The following RALYL variants were observed in gnomAD, a reference collection of about 807,000 sequenced individuals.
RALYL encodes the protein RALY RNA binding protein like, also known as RNA-binding Raly-like protein.
RALYL carries 29 observed loss-of-function variants against 35.1 expected under a neutral mutation model. That is an observed-to-expected ratio of 0.83 (90% CI 0.61 to 1.13). The LOEUF (loss-of-function observed/expected upper bound fraction) is 1.13. Ranked by LOEUF, RALYL falls within the 50% of genes most tolerant of loss-of-function variation. The probability of loss-of-function intolerance (pLI) is 0.00; values close to 1 mark genes in which losing one functional copy is unlikely to be tolerated. For missense variants in RALYL, 359 were observed against 360.4 expected (o/e 1.00, Z 0.03); for synonymous variants, 120 against 127.6 (o/e 0.94, Z 0.40).
intron 1 of RALYL, among the ~76,000 whole-genome samples, chr8:84,462,134 T>C (rs1340551797): frequency 6.6e-6 from 1 of 151,640 alleles, no homozygotes; most frequent in Non-Finnish European, 1.5e-5. Flanking sequence ...ATTTTTATTT[T>C]TTTTTATTTT....
intron 2 of RALYL, among the ~76,000 whole-genome samples, chr8:84,666,294 A>G (rs1832027425): frequency 6.6e-6 from 1 of 152,034 alleles, no homozygotes; most frequent in Non-Finnish European, 1.5e-5. Flanking sequence ...TGCTCTATTG[A>G]AAAAGGGCCT....
intron 2 of RALYL, among the ~76,000 whole-genome samples, chr8:84,681,749 T>G (rs1835554927): frequency 6.6e-6 from 1 of 152,206 alleles, no homozygotes; most frequent in African/African-American, 2.4e-5. Flanking sequence ...GCTGAGACAA[T>G]GGGGTTTTCT....
intron 1 of RALYL, among the ~76,000 whole-genome samples, chr8:84,396,913 T>C (rs1024754049): frequency 3.9e-5 from 6 of 151,908 alleles, no homozygotes; most frequent in African/African-American, 1.5e-4. Context: ...TTATTATTCA[T>C]AGAATATCCC....
chr8:84,623,385 A>G (rs1822000160), intron 2 of RALYL, among the ~76,000 whole-genome samples: 1 of 152,192 alleles, frequency 6.6e-6, no homozygotes, highest in African/African-American at 2.4e-5. Context: ...TGATATGTAT[A>G]GAAGGATAGT....
intron 1 of RALYL, among the ~76,000 whole-genome samples, chr8:84,444,883 T>C (rs1382323189): frequency 6.6e-6 from 1 of 152,104 alleles, no homozygotes; most frequent in African/African-American, 2.4e-5. Context: ...GAAAGAATTA[T>C]AATGGCTGAT....
intron 2 of RALYL, among the ~76,000 whole-genome samples, chr8:84,620,843 G>T (rs1004861288): frequency 1.3e-5 from 2 of 152,140 alleles, no homozygotes; most frequent in African/African-American, 4.8e-5. Flanking sequence ...GTCTGCTGGA[G>T]TACCCTGCCG....
intron 2 of RALYL, among the ~76,000 whole-genome samples, chr8:84,760,725 A>T (rs1378631006): frequency 6.6e-6 from 1 of 152,100 alleles, no homozygotes; most frequent in Non-Finnish European, 1.5e-5. Context: ...GAATGAAAAG[A>T]CAAATTTATT....
intron 2 of RALYL, among the ~76,000 whole-genome samples, chr8:84,762,560 C>T (rs1455885339): frequency 6.6e-6 from 1 of 152,088 alleles, no homozygotes; most frequent in Non-Finnish European, 1.5e-5. Flanking sequence ...ATTATATAGG[C>T]CTTGCCATAA....
At chr8:84,509,574 A>C (rs1380186326) in intron 1 of RALYL, among the ~76,000 whole-genome samples, 1 of 152,144 alleles carries the variant, frequency 6.6e-6, no homozygotes, top group Non-Finnish European at 1.5e-5. Flanking sequence ...TTGGTGCTGC[A>C]TCTAAAATGT....
chr8:84,306,964 A>T (rs10095090), intron 1 of RALYL, among the ~76,000 whole-genome samples: 102,939 of 151,918 alleles, frequency 0.68, 36,181 homozygotes, highest in African/African-American at 0.87. Context: ...AAAAGCTCTC[A>T]AATTCCTTCT....
chr8:84,747,273 G>T (rs975054060), intron 2 of RALYL, among the ~76,000 whole-genome samples: 2 of 151,672 alleles, frequency 1.3e-5, no homozygotes, highest in Non-Finnish European at 3.0e-5. Context: ...AAAAAAAATG[G>T]TGCTAATAAG....
At chr8:84,862,858 G>A (rs1325436838) in intron 6 of RALYL, among the ~76,000 whole-genome samples, 1 of 152,084 alleles carries the variant, frequency 6.6e-6, no homozygotes, top group Non-Finnish European at 1.5e-5. Context: ...GAATATTTGA[G>A]CAATTAAGAG....
intron 2 of RALYL, among the ~76,000 whole-genome samples, chr8:84,606,897 A>G (rs1020935179): frequency 2.0e-5 from 3 of 152,116 alleles, no homozygotes; most frequent in African/African-American, 4.8e-5. Context: ...TTGAGTTCCA[A>G]TTCTGCTCTC....
chr8:84,230,674 A>G (rs971790649), intron 1 of RALYL, among the ~76,000 whole-genome samples: 1 of 152,164 alleles, frequency 6.6e-6, no homozygotes, highest in Non-Finnish European at 1.5e-5. Context: ...ACTTGTTACT[A>G]CTATTTACTA....
At chr8:84,414,939 G>A (rs1449241488) in intron 1 of RALYL, among the ~76,000 whole-genome samples, 2 of 152,122 alleles carry the variant, frequency 1.3e-5, no homozygotes, top group Non-Finnish European at 2.9e-5. Context: ...CCCAAGGTCA[G>A]ACTTCTACCA....
intron 2 of RALYL, among the ~76,000 whole-genome samples, chr8:84,687,288 A>G (rs1837003346): frequency 6.6e-6 from 1 of 152,172 alleles, no homozygotes; most frequent in Admixed American, 6.6e-5. Flanking sequence ...CTTAGGGTCT[A>G]TGAGTCTATT....
At chr8:84,601,205 C>T (rs1815860469) in intron 2 of RALYL, among the ~76,000 whole-genome samples, 1 of 151,964 alleles carries the variant, frequency 6.6e-6, no homozygotes, top group South Asian at 2.1e-4. Context: ...TATGTATGAC[C>T]TACATTTAAT....
At chr8:84,312,927 C>T (rs1016806196) in intron 1 of RALYL, among the ~76,000 whole-genome samples, 2 of 152,248 alleles carry the variant, frequency 1.3e-5, no homozygotes, top group African/African-American at 4.8e-5. Context: ...CCACATTCCC[C>T]TCTTTATTGC....
At chr8:84,829,599 A>T (rs1830443659) in intron 4 of RALYL, 1 of 152,168 alleles carries the variant, frequency 6.6e-6, no homozygotes, top group African/African-American at 2.4e-5. Context: ...ATTTTGAAGG[A>T]AGATTATTTC....
Sources: allele counts gnomAD v4.1 joint callset (sites outside exome capture counted in the v4.1 genomes callset), GRCh38; gene constraint gnomAD v4.1.1; transcripts MANE v1.5; gene names NCBI Gene and HGNC (gene_info 2026-07-23, HGNC 2026-07-21).